Variants in COA8 observed in about 807,000 individuals in gnomAD.
The protein encoded by COA8 is UPF0671 protein C14orf153.
Under a neutral mutation model 22.0 loss-of-function variants are expected in COA8, and 20 were observed. That is an observed-to-expected ratio of 0.91 (90% confidence interval 0.64 to 1.32). The LOEUF (loss-of-function observed/expected upper bound fraction) is 1.32, where lower values mean the gene tolerates loss of function less well. Ranked by LOEUF, COA8 falls within the 40% of genes most tolerant of loss-of-function variation. The probability of loss-of-function intolerance (pLI) is 0.00; values close to 1 mark genes in which losing one functional copy is unlikely to be tolerated. For missense variants in COA8, 266 were observed against 230.0 expected (o/e 1.16, Z -1.01); for synonymous variants, 105 against 79.9 (o/e 1.31, Z -1.68).
intron 3 of COA8, among the ~76,000 whole-genome samples, chr14:103,576,840 G>A (rs945357012): frequency 6.6e-6 from 1 of 152,150 alleles, no homozygotes; most frequent in East Asian, 1.9e-4. Context: ...CCATGGAGAC[G>A]GGAGGAAGCA....
chr14:103,587,475 C>A, intron 4 of COA8, 111 bp downstream of exon 4: 3 of 556,868 alleles, frequency 5.4e-6, no homozygotes, highest in South Asian at 4.3e-5. Flanking sequence ...GTAGAAGTTG[C>A]AAGACTTTAT....
rs200970154 is a variant in COA8, at chr14:103,568,611, A to ATG, written c.124-3002_124-3001dup. Among the ~76,000 whole-genome samples the ATG allele has an allele frequency of 9.1e-3, 821 of 90,622 alleles. 4 individuals carry two copies. Among genetic ancestry groups the ATG allele is most frequent in the African/African-American group, 0.031 (781 of 25,284 alleles). The allele number at this position is 90,622 out of a possible 152,430, so 59.5% of individuals were successfully genotyped here. ...TATATATATGTATACGTATATATAT[A>ATG]TGTGTGTGTGTATATATATATATAT... is the stretch of plus-strand genomic sequence containing the variant. On this transcript the variant is annotated intron_variant, in intron 1 of 4. Transcript: ENST00000409074.
intron 4 of COA8, 94 bp downstream of exon 4, chr14:103,587,458 A>G (rs1250044472): frequency 7.1e-6 from 5 of 700,346 alleles, no homozygotes; most frequent in Middle Eastern, 3.2e-4. Flanking sequence ...TCATGTTTAT[A>G]TCAGAGGTAG....
intron 3 of COA8, among the ~76,000 whole-genome samples, chr14:103,584,123 GCCT>G (rs889914269): frequency 6.6e-6 from 1 of 152,090 alleles, no homozygotes; most frequent in Non-Finnish European, 1.5e-5. Flanking sequence ...TGCAGCGTCA[GCCT>G]CCTGGGCTCA....
At chr14:103,587,490 T>A in intron 4 of COA8, 126 bp downstream of exon 4, 1 of 481,906 alleles carries the variant, frequency 2.1e-6, no homozygotes, top group Non-Finnish European at 3.5e-6. Context: ...CTTTATCAAC[T>A]TTTTTTTTTC....
intron 1 of COA8, among the ~76,000 whole-genome samples, chr14:103,563,599 A>G (rs1197885465): frequency 6.6e-6 from 1 of 152,174 alleles, no homozygotes; most frequent in Non-Finnish European, 1.5e-5. Context: ...GGGTATATGC[A>G]TGTTACTGGC....
At chr14:103,568,674 G>A (rs1370374830) in intron 1 of COA8, among the ~76,000 whole-genome samples, 4 of 149,974 alleles carry the variant, frequency 2.7e-5, no homozygotes, top group Non-Finnish European at 4.4e-5. Flanking sequence ...CTGTCACCCA[G>A]GTTGGAGTGC....
chr14:103,571,423 A>G (rs923264033), intron 1 of COA8, among the ~76,000 whole-genome samples, 200 bp from the exon 2 acceptor site: 2 of 151,978 alleles, frequency 1.3e-5, no homozygotes, highest in African/African-American at 4.8e-5. Context: ...AAGGGCTGTT[A>G]TTATTTAAAC....
chr14:103,585,717 A>G (rs2076301526), intron 3 of COA8, among the ~76,000 whole-genome samples: 1 of 149,798 alleles, frequency 6.7e-6, no homozygotes, highest in Non-Finnish European at 1.5e-5. Context: ...CTGGGACTAC[A>G]GACGCACGCC....
rs146953184 is a variant in COA8, at chr14:103,587,650, G to C, written c.476+286G>C. 0.044 allele frequency among the ~76,000 whole-genome samples: 6,670 copies of C among 151,456 alleles called. 172 individuals carry two copies. The highest frequency in any genetic ancestry group is 0.092 in the South Asian group (442 of 4,796). ...AGCCTCCCGAGTAGCTGGGACTACA[G>C]GCACCCGCCAGCACGCCTGGCTAAT... On this transcript the variant is annotated intron_variant, in intron 4 of 4. Coordinates refer to ENST00000409074, the MANE Select transcript of COA8 (RefSeq NM_001370595.2).
chr14:103,583,078 C>T (rs1006003620), intron 3 of COA8, among the ~76,000 whole-genome samples: 2 of 151,962 alleles, frequency 1.3e-5, no homozygotes, highest in Non-Finnish European at 2.9e-5. Flanking sequence ...CATGTATTAG[C>T]ACTTTGGAGA....
intron 3 of COA8, among the ~76,000 whole-genome samples, chr14:103,576,477 C>T (rs1405702346): frequency 6.6e-6 from 1 of 152,124 alleles, no homozygotes; most frequent in African/African-American, 2.4e-5. Flanking sequence ...AAGCTGAAAA[C>T]GTCTGTGTTA....
At chr14:103,569,388 A>G (rs780353672) in intron 1 of COA8, among the ~76,000 whole-genome samples, 2 of 152,258 alleles carry the variant, frequency 1.3e-5, no homozygotes, top group Non-Finnish European at 2.9e-5. Context: ...CACCAGCTTT[A>G]TCCGTAAAGC....
chr14:103,581,263 T>C lies in COA8; in HGVS notation c.386-6011T>C, dbSNP rs916838692. On this transcript the variant is annotated intron_variant, in intron 3 of 4. Transcript: ENST00000409074. The surrounding 1 kb of genome is among the most constrained non-coding windows in gnomAD (Gnocchi z 4.1). ...AGACTAGCAATGATAACTAATAAAATAGAACAAGTGTAACAATATGCCAGC... is the reference window on the plus strand; with the variant it reads ...AGACTAGCAATGATAACTAATAAAACAGAACAAGTGTAACAATATGCCAGC... Among the ~76,000 whole-genome samples, 3 of 152,170 alleles carry C rather than the reference T, an allele frequency of 2.0e-5. No homozygotes were observed. Among genetic ancestry groups the C allele is most frequent in the Non-Finnish European group, 4.4e-5 (3 of 68,030 alleles).
intron 2 of COA8, 44 bp downstream of exon 2, chr14:103,571,864 A>G (rs2076189771): frequency 6.4e-7 from 1 of 1,554,226 alleles, no homozygotes; most frequent in Non-Finnish European, 8.8e-7. Context: ...GCGGTGGCTC[A>G]CGCCTGTAAT....
chr14:103,565,830 G>T (rs1433063480), intron 1 of COA8, among the ~76,000 whole-genome samples: 1 of 151,874 alleles, frequency 6.6e-6, no homozygotes, highest in Non-Finnish European at 1.5e-5. Flanking sequence ...GGCCAGGGTG[G>T]TCTTGAACTC....
intron 1 of COA8, among the ~76,000 whole-genome samples, chr14:103,570,459 A>C (rs2076174556): frequency 6.6e-6 from 1 of 152,048 alleles, no homozygotes; most frequent in Non-Finnish European, 1.5e-5. Context: ...AGGGCCAGGC[A>C]CGGTGGCTCA....
rs1182849183 is a variant in COA8, at chr14:103,570,471, G to A, written c.124-1152G>A. 3.9e-5 allele frequency among the ~76,000 whole-genome samples: 6 copies of A among 152,086 alleles called. No individual in the cohort carries two copies. The East Asian group carries it at 5.8e-4, about 15-fold the overall frequency. On this transcript the variant is annotated intron_variant, in intron 1 of 4. Transcript: ENST00000409074. ...TTTAGGGCCAGGCACGGTGGCTCACGCCTGTAATCCCAGCACTTTGGGAGG... is the reference window on the plus strand; with the variant it reads ...TTTAGGGCCAGGCACGGTGGCTCACACCTGTAATCCCAGCACTTTGGGAGG...
intron 3 of COA8, among the ~76,000 whole-genome samples, chr14:103,580,480 G>A (rs1166606910): frequency 1.3e-5 from 2 of 149,552 alleles, no homozygotes; most frequent in African/African-American, 2.5e-5. Context: ...GCTAATTTTT[G>A]TTTTTTGTTT....
Sources: allele counts gnomAD v4.1 joint callset (sites outside exome capture counted in the v4.1 genomes callset), GRCh38; gene constraint gnomAD v4.1.1; non-coding constraint Gnocchi (gnomAD v3.1); transcripts MANE v1.5; gene names NCBI Gene and HGNC (gene_info 2026-07-23, HGNC 2026-07-21).